RNF214: variants seen among roughly 807,000 people sequenced by gnomAD.
The protein encoded by RNF214 is ring finger protein 214.
In RNF214, 25 loss-of-function variants were observed where a neutral mutation model predicts 75.9. The observed-to-expected ratio is 0.33, with a 90% CI of 0.24 to 0.46. The LOEUF is 0.46. RNF214 is among the 20% of genes least tolerant of loss of function. The pLI is 1.00. For missense variants in RNF214, 725 were observed against 857.5 expected, an observed-to-expected ratio of 0.85 and a Z score of 1.93; for synonymous variants, 314 against 308.8, an observed-to-expected ratio of 1.02 and a Z score of -0.18.
At chr11:117,237,563 A>G (rs767344216) in intron 2 of RNF214, among the ~76,000 whole-genome samples, 6 of 152,178 alleles carry the variant, frequency 3.9e-5, no homozygotes, top group African/African-American at 1.4e-4. Context: ...AAGATGTGCA[A>G]TTGTGAATGT....
At chr11:117,246,695 G>A (rs2033234513) in intron 5 of RNF214, 114 bp from the exon 6 acceptor site, 1 of 1,084,598 alleles carries the variant, frequency 9.2e-7, no homozygotes, top group Admixed American at 2.6e-5. Context: ...AATTCAATTT[G>A]AATTCACTAA....
chr11:117,276,594 T>A (rs1004641799), intron 6 of RNF214, among the ~76,000 whole-genome samples: 1 of 152,146 alleles, frequency 6.6e-6, no homozygotes, highest in Non-Finnish European at 1.5e-5. Context: ...TGAAACCCTC[T>A]CTCTAAAAAA....
intron 6 of RNF214, among the ~76,000 whole-genome samples, chr11:117,276,106 T>A (rs1159532899): frequency 6.6e-6 from 1 of 152,188 alleles, no homozygotes; most frequent in Non-Finnish European, 1.5e-5. Flanking sequence ...ATAAATGTGA[T>A]TCACCACATA....
chr11:117,285,030 C>A, intron 14 of RNF214, 56 bp from the exon 15 acceptor site: 1 of 1,301,426 alleles, frequency 7.7e-7, no homozygotes, highest in Admixed American at 1.7e-5. Context: ...GCATTCTCTC[C>A]TTCCTTCCCT....
intron 8 of RNF214, among the ~76,000 whole-genome samples, chr11:117,280,581 A>C (rs1165383533): frequency 6.6e-6 from 1 of 152,200 alleles, no homozygotes; most frequent in African/African-American, 2.4e-5. Flanking sequence ...TCGAGGCAGG[A>C]GGATCACTTG....
intron 2 of RNF214, 60 bp from the exon 3 acceptor site, chr11:117,238,541 C>T: frequency 1.4e-6 from 2 of 1,440,734 alleles, no homozygotes; most frequent in Non-Finnish European, 1.9e-6. Context: ...TAGTTTTGTT[C>T]TTCTAGTAGT....
chr11:117,246,855 CAAA>C lies in RNF214; in HGVS notation c.867_869del (p.Lys292del), dbSNP rs548022018. 3.2e-5 allele frequency: 51 copies of C among 1,611,006 alleles called. No individual in the cohort carries two copies. The highest frequency in any genetic ancestry group is 1.7e-4 in the South Asian group (15 of 90,710). On this transcript the variant is annotated inframe_deletion, in exon 6 of 15. Coordinates refer to ENST00000300650, the MANE Select transcript of RNF214 (RefSeq NM_207343.4). Reference sequence around the variant, plus strand: ...GATGTGACAATAAAGCGGGAAGAAACAAAGAAGAAGATAGAGAAAGAGAAGAAG... The same window carrying C: ...GATGTGACAATAAAGCGGGAAGAAACGAAGAAGATAGAGAAAGAGAAGAAG...
At chr11:117,250,959 G>C (rs1222646884) in intron 6 of RNF214, among the ~76,000 whole-genome samples, 1 of 145,614 alleles carries the variant, frequency 6.9e-6, no homozygotes, top group African/African-American at 2.5e-5. Context: ...AGGATCCCAA[G>C]GCAGAAGAAT....
At chr11:117,267,208 G>C (rs901575723) in intron 6 of RNF214, among the ~76,000 whole-genome samples, 1 of 151,956 alleles carries the variant, frequency 6.6e-6, no homozygotes, top group East Asian at 1.9e-4. Context: ...TTGCATTTTT[G>C]TAACAGTGTC....
rs760846137 is a variant in RNF214, at chr11:117,239,020, C to T, written c.527C>T (p.Ser176Phe). ...AGCTTGGATTTCCGACCTGTAGTGT[C>T]TCCAGCAAATGGGGTTGAAGGAGTC... ...DTSLDFRPVV[S>F]PANGVEGVRV... The change falls in exon 3 of 15, where the codon TCT becomes TTT. Residue 176 changes from serine (S) to phenylalanine (F), a missense_variant. Coordinates refer to ENST00000300650, the MANE Select transcript of RNF214 (RefSeq NM_207343.4). 3.7e-6 allele frequency: 6 copies of T among 1,614,172 alleles called. No individual in the cohort carries two copies. Among genetic ancestry groups the T allele is most frequent in the Non-Finnish European group, 4.2e-6 (5 of 1,180,028 alleles).
intron 6 of RNF214, among the ~76,000 whole-genome samples, chr11:117,279,119 G>A (rs1029481346): frequency 3.3e-5 from 5 of 152,158 alleles, no homozygotes; most frequent in Admixed American, 3.3e-4. Context: ...AAACAAAAAA[G>A]TGGACCCCTG....
rs955448664 is a variant in RNF214 at position 117,234,179 on chromosome 11, C to G, written c.-6-88C>G. 6 of 938,192 alleles carry G rather than the reference C, an allele frequency of 6.4e-6. 1 individual carries two copies. Among genetic ancestry groups the G allele is most frequent in the South Asian group, 4.2e-5 (3 of 70,980 alleles). The allele number at this position is 938,192 out of a possible 1,614,324, so 58.1% of individuals were successfully genotyped here. ...TTTGTGTTTCTTTACTGCGACAGCTCTGTTGTGTGGACATTCTGAGGGGGG... is the reference window on the plus strand; with the variant it reads ...TTTGTGTTTCTTTACTGCGACAGCTGTGTTGTGTGGACATTCTGAGGGGGG... On this transcript the variant is annotated intron_variant, in intron 1 of 14. Transcript: ENST00000300650.
At chr11:117,266,973 C>CA (rs34374425) in intron 6 of RNF214, among the ~76,000 whole-genome samples, 30,014 of 79,622 alleles carry the variant, frequency 0.38, 4,190 homozygotes, top group Middle Eastern at 0.42. Context: ...TCCTGCCTCA[C>CA]AAAAAAAAAA....
intron 6 of RNF214, among the ~76,000 whole-genome samples, chr11:117,267,822 C>G (rs2033828313): frequency 6.6e-6 from 1 of 152,116 alleles, no homozygotes; most frequent in South Asian, 2.1e-4. Context: ...ATTGAGGTAC[C>G]TTGGCACTTC....
chr11:117,254,486 C>G (rs1238562348), intron 6 of RNF214, among the ~76,000 whole-genome samples: 1 of 152,150 alleles, frequency 6.6e-6, no homozygotes, highest in Non-Finnish European at 1.5e-5. Flanking sequence ...CTTTCCATAG[C>G]CAGCCTAGAC....
At chr11:117,271,151 CA>C (rs1448758019) in intron 6 of RNF214, among the ~76,000 whole-genome samples, 1 of 151,420 alleles carries the variant, frequency 6.6e-6, no homozygotes, top group African/African-American at 2.4e-5. Flanking sequence ...CCGCCTGCCT[CA>C]GCCTCCCAAA....
intron 6 of RNF214, among the ~76,000 whole-genome samples, chr11:117,261,178 T>C (rs1436588058): frequency 6.6e-6 from 1 of 152,208 alleles, no homozygotes. Flanking sequence ...TATAGGTTTT[T>C]TGTGTATGCC....
At chr11:117,252,427 A>G (rs2033417841) in intron 6 of RNF214, among the ~76,000 whole-genome samples, 1 of 152,136 alleles carries the variant, frequency 6.6e-6, no homozygotes, top group South Asian at 2.1e-4. Context: ...AAATAATGGG[A>G]TTCTTTGATA....
At chr11:117,235,838 A>C (rs913755484) in intron 2 of RNF214, among the ~76,000 whole-genome samples, 1 of 152,186 alleles carries the variant, frequency 6.6e-6, no homozygotes, top group South Asian at 2.1e-4. Flanking sequence ...TGATCAGATC[A>C]GGGTAATTAG....
Sources: allele counts gnomAD v4.1 joint callset (sites outside exome capture counted in the v4.1 genomes callset), GRCh38; gene constraint gnomAD v4.1.1; transcripts MANE v1.5; gene names NCBI Gene and HGNC (gene_info 2026-07-23, HGNC 2026-07-21).